Variants in POC1A observed in about 807,000 individuals in gnomAD.
POC1A encodes the protein POC1 centriolar protein homolog A.
A neutral mutation model predicts 47.8 loss-of-function variants in POC1A; 34 were observed. The observed-to-expected ratio is 0.71, with a 90% confidence interval of 0.54 to 0.95. The LOEUF (loss-of-function observed/expected upper bound fraction) is 0.95, where lower values mean the gene tolerates loss of function less well. Ranked by LOEUF, POC1A falls within the 40% of genes least tolerant of loss-of-function variation. The pLI is 0.00. For synonymous variants in POC1A, 177 were observed against 207.6 expected (o/e 0.85, Z 1.27); for missense variants, 466 against 528.3 (o/e 0.88, Z 1.16).
chr3:52,147,147 A>T, intron 4 of POC1A, 52 bp from the exon 5 acceptor site: 1 of 1,361,998 alleles, frequency 7.3e-7, no homozygotes, highest in Non-Finnish European at 1.0e-6. Context: ...CGACATGGGC[A>T]CCACACACCT....
At chr3:52,134,094 C>T (rs1704343602) in intron 7 of POC1A, among the ~76,000 whole-genome samples, 1 of 152,196 alleles carries the variant, frequency 6.6e-6, no homozygotes, top group Admixed American at 6.5e-5. Context: ...CATAAGCCTG[C>T]TGGTACCCTA....
chr3:52,080,136 A>AGAAACTGAGGCACAGT (rs1702236540), intron 10 of POC1A, among the ~76,000 whole-genome samples: 1 of 152,210 alleles, frequency 6.6e-6, no homozygotes. Context: ...TTACAGATGA[A>AGAAACTGAGGCACAGT]GAAACTGAGG....
At chr3:52,135,408 G>A (rs1372166329) in intron 7 of POC1A, among the ~76,000 whole-genome samples, 6 of 152,214 alleles carry the variant, frequency 3.9e-5, no homozygotes, top group Admixed American at 3.9e-4. Context: ...TTTTGAGACA[G>A]TGTCTTGCTT....
chr3:52,076,534 G>A (rs1307289478), intron 10 of POC1A, among the ~76,000 whole-genome samples: 1 of 152,238 alleles, frequency 6.6e-6, no homozygotes, highest in Non-Finnish European at 1.5e-5. Flanking sequence ...CTGATCCCAG[G>A]AGGGTCTCTG....
chr3:52,128,903 C>T (rs1704111337), intron 7 of POC1A, among the ~76,000 whole-genome samples: 1 of 152,196 alleles, frequency 6.6e-6, no homozygotes, highest in Admixed American at 6.5e-5. Context: ...TTCCAGTATG[C>T]AACATTTTCA....
At chr3:52,083,729 G>C (rs930845750) in intron 10 of POC1A, among the ~76,000 whole-genome samples, 1 of 152,350 alleles carries the variant, frequency 6.6e-6, no homozygotes, top group Middle Eastern at 3.4e-3. Context: ...TCCAGGTGGA[G>C]TCAGGCCCCT....
intron 7 of POC1A, among the ~76,000 whole-genome samples, chr3:52,136,517 G>T (rs1342384351): frequency 6.6e-6 from 1 of 152,178 alleles, no homozygotes; most frequent in African/African-American, 2.4e-5. Context: ...CTAGAGAGCC[G>T]ATGATGAATG....
intron 9 of POC1A, among the ~76,000 whole-genome samples, chr3:52,110,126 A>G (rs1399970082): frequency 6.6e-6 from 1 of 152,238 alleles, no homozygotes; most frequent in Non-Finnish European, 1.5e-5. Context: ...TGCTGCCCAC[A>G]GACGTGAGAA....
chr3:52,139,495 T>C (rs964643053), intron 6 of POC1A, among the ~76,000 whole-genome samples: 2 of 152,186 alleles, frequency 1.3e-5, no homozygotes, highest in African/African-American at 2.4e-5. Flanking sequence ...CCTGGGAGAC[T>C]CTTGCCCTTC....
intron 10 of POC1A, among the ~76,000 whole-genome samples, chr3:52,092,247 G>A (rs753090137): frequency 3.3e-5 from 5 of 152,176 alleles, no homozygotes; most frequent in African/African-American, 4.8e-5. Context: ...TAAGGGACTC[G>A]GCCTGCTGGG....
chr3:52,107,067 G>C (rs1703210546), intron 9 of POC1A, among the ~76,000 whole-genome samples: 1 of 152,246 alleles, frequency 6.6e-6, no homozygotes, highest in African/African-American at 2.4e-5. Context: ...GAAGAAGAGA[G>C]CGAGATGAAG....
At chr3:52,086,105 C>T (rs549853043) in intron 10 of POC1A, among the ~76,000 whole-genome samples, 84 of 152,288 alleles carry the variant, frequency 5.5e-4, no homozygotes, top group Non-Finnish European at 1.0e-3. Context: ...TGTGGGCGCC[C>T]CCATGATGTC....
chr3:52,147,145 G>T, intron 4 of POC1A, 50 bp from the exon 5 acceptor site: 2 of 1,383,388 alleles, frequency 1.4e-6, no homozygotes, highest in Non-Finnish European at 2.1e-6. Flanking sequence ...GACGACATGG[G>T]CACCACACAC....
chr3:52,085,460 G>A lies in POC1A; in HGVS notation c.1126-9475C>T, dbSNP rs142740695. On this transcript the variant is annotated intron_variant, in intron 10 of 10. Coordinates refer to ENST00000296484, the MANE Select transcript of POC1A (RefSeq NM_015426.5). ...TCAGGAATAAAGGCCAGACTCTGCGGCATGGCATTCCCGTGGCCCTCCAGG... is the reference window on the plus strand; with the variant it reads ...TCAGGAATAAAGGCCAGACTCTGCGACATGGCATTCCCGTGGCCCTCCAGG... Among the ~76,000 whole-genome samples the A allele has an allele frequency of 4.3e-3, 656 of 152,324 alleles. 5 individuals carry two copies. The highest frequency in any genetic ancestry group is 4.7e-3 in the Non-Finnish European group (323 of 68,014).
chr3:52,081,022 C>T (rs762909598), intron 10 of POC1A, among the ~76,000 whole-genome samples: 7 of 152,322 alleles, frequency 4.6e-5, no homozygotes, highest in Middle Eastern at 3.4e-3. Context: ...TCACATCTGC[C>T]GAGGTTCACC....
intron 9 of POC1A, among the ~76,000 whole-genome samples, chr3:52,101,202 A>G (rs567556589): frequency 6.6e-6 from 1 of 152,078 alleles, no homozygotes; most frequent in African/African-American, 2.4e-5. Context: ...GGGCATGCCC[A>G]CAGGGCTGGC....
chr3:52,126,976 T>C (rs1032515568), intron 7 of POC1A, among the ~76,000 whole-genome samples: 1 of 152,112 alleles, frequency 6.6e-6, no homozygotes, highest in Non-Finnish European at 1.5e-5. Flanking sequence ...TTCCTAAGGG[T>C]GCCATGTCCA....
chr3:52,087,452 T>C lies in POC1A; in HGVS notation c.1125+9117A>G, dbSNP rs1327664129. Reference sequence around the variant, plus strand: ...ACAGTCTGCTGCAAACAACAGAAAATGAGCTTTTGGTCCCTTGAGCCTATG... The same window carrying C: ...ACAGTCTGCTGCAAACAACAGAAAACGAGCTTTTGGTCCCTTGAGCCTATG... On this transcript the variant is annotated intron_variant, in intron 10 of 10. Transcript: ENST00000296484. Among the ~76,000 whole-genome samples the C allele has an allele frequency of 2.0e-5, 3 of 152,284 alleles. No homozygotes were observed. In the East Asian group the frequency reaches 5.8e-4, roughly 29 times the overall value.
chr3:52,145,730 C>G, intron 6 of POC1A, 116 bp downstream of exon 6: 2 of 647,562 alleles, frequency 3.1e-6, no homozygotes, highest in Non-Finnish European at 2.7e-6. Context: ...CCCAGGACAC[C>G]TTCCTGCCCA....
Sources: allele counts gnomAD v4.1 joint callset (sites outside exome capture counted in the v4.1 genomes callset), GRCh38; gene constraint gnomAD v4.1.1; transcripts MANE v1.5; gene names NCBI Gene and HGNC (gene_info 2026-07-23, HGNC 2026-07-21).